UNC13C: variants seen among roughly 807,000 people sequenced by gnomAD.
UNC13C encodes the protein unc-13 homolog C, also known as protein unc-13 homolog C.
UNC13C carries 174 observed loss-of-function variants against 245.4 expected under a neutral mutation model. That is an observed-to-expected ratio of 0.71 (90% CI 0.63 to 0.80). The LOEUF is 0.80. UNC13C is among the 30% of genes least tolerant of loss of function. The probability of loss-of-function intolerance (pLI) is 0.00; values close to 1 mark genes in which losing one functional copy is unlikely to be tolerated. For missense variants in UNC13C, 2,829 were observed against 2,602.9 expected, an observed-to-expected ratio of 1.09 and a Z score of -1.89; for synonymous variants, 992 against 895.1, an observed-to-expected ratio of 1.11 and a Z score of -1.93.
In UNC13C at chr15:54,013,542, T is replaced by C; in HGVS notation, c.639T>C (p.Ser213=). Residue 213 remains serine (S), a synonymous_variant, in exon 2 of 33, where the codon TCT becomes TCC. Transcript: ENST00000260323. ...AATCCTGGGGAATAAGAAGTAAGTC[T>C]TTGGACAGAACTGTCCGAAACCCAA... ...MKKSWGIRSK[S]LDRTVRNPKT... 1 of 1,613,916 alleles carries C rather than the reference T, an allele frequency of 6.2e-7. No homozygotes were observed. The highest frequency in any genetic ancestry group is 8.5e-7 in the Non-Finnish European group (1 of 1,179,848).
At chr15:54,318,272 C>A (rs573874960) in intron 13 of UNC13C, among the ~76,000 whole-genome samples, 1 of 151,784 alleles carries the variant, frequency 6.6e-6, no homozygotes, top group Non-Finnish European at 1.5e-5. Flanking sequence ...TATGATTGTC[C>A]TATTTTTTAG....
At chr15:53,850,111 G>T in the UNC13C span, among the ~76,000 whole-genome samples, 718 of 151,938 alleles carry the variant, frequency 4.7e-3, 4 homozygotes, top group African/African-American at 0.017. Context: ...AAGACTTTTT[G>T]CTGGATATAG....
At chr15:54,420,786 T>C (rs1280437430) in intron 19 of UNC13C, among the ~76,000 whole-genome samples, 6 of 151,942 alleles carry the variant, frequency 3.9e-5, no homozygotes, top group Non-Finnish European at 5.9e-5. Flanking sequence ...AAAAATAAAT[T>C]ATTGTCTAAG....
At chr15:54,289,670 G>A (rs2037242179) in intron 10 of UNC13C, among the ~76,000 whole-genome samples, 1 of 152,114 alleles carries the variant, frequency 6.6e-6, no homozygotes, top group African/African-American at 2.4e-5. Context: ...AGCTTCTGAA[G>A]CTACTGTGTG....
intron 30 of UNC13C, among the ~76,000 whole-genome samples, chr15:54,586,032 C>A (rs1318411558): frequency 2.0e-5 from 3 of 152,190 alleles, no homozygotes; most frequent in Non-Finnish European, 1.5e-5. Context: ...TAGCCTCCTA[C>A]AGAACCTGAT....
intron 29 of UNC13C, among the ~76,000 whole-genome samples, chr15:54,558,370 C>A (rs1897171745): frequency 6.6e-6 from 1 of 151,932 alleles, no homozygotes; most frequent in South Asian, 2.1e-4. Context: ...AGAAAGGACT[C>A]CAAATTCTAA....
chr15:54,020,366 C>T (rs1208648755), intron 2 of UNC13C, among the ~76,000 whole-genome samples: 1 of 150,914 alleles, frequency 6.6e-6, no homozygotes, highest in Non-Finnish European at 1.5e-5. Flanking sequence ...CCTCCTCCTC[C>T]TGGGTTCAAG....
At chr15:54,508,206 A>C (rs1004862816) in intron 23 of UNC13C, among the ~76,000 whole-genome samples, 2 of 142,648 alleles carry the variant, frequency 1.4e-5, no homozygotes, top group African/African-American at 5.5e-5. Flanking sequence ...TTCTGATTAC[A>C]AGATAATACA....
chr15:54,153,098 A>C (rs977911489), intron 4 of UNC13C, among the ~76,000 whole-genome samples: 7 of 152,160 alleles, frequency 4.6e-5, no homozygotes, highest in African/African-American at 1.7e-4. Context: ...ATTTAAAGCA[A>C]CAAGTTTGCT....
At chr15:54,408,816 T>C (rs988028296) in intron 18 of UNC13C, among the ~76,000 whole-genome samples, 4 of 152,252 alleles carry the variant, frequency 2.6e-5, no homozygotes, top group Non-Finnish European at 4.4e-5. Context: ...AAATATGCGA[T>C]CATATTTTAT....
At chr15:53,879,619 C>T in the UNC13C span, among the ~76,000 whole-genome samples, 1,969 of 152,048 alleles carry the variant, frequency 0.013, 41 homozygotes, top group African/African-American at 0.045. Flanking sequence ...GACGGAGTCT[C>T]GCTCTGTCGC....
At chr15:54,524,518 G>C (rs60912017) in intron 24 of UNC13C, among the ~76,000 whole-genome samples, 1 of 152,056 alleles carries the variant, frequency 6.6e-6, no homozygotes. Context: ...GTCACATCAG[G>C]ACAACTTAGA....
the UNC13C span, among the ~76,000 whole-genome samples, chr15:53,932,327 AACAACAACAACAAC>A: frequency 1.3e-5 from 2 of 151,328 alleles, no homozygotes; most frequent in African/African-American, 4.8e-5. Context: ...CAACAACAAC[AACAACAACAACAAC>A]AAACAGTGCT....
intron 19 of UNC13C, among the ~76,000 whole-genome samples, chr15:54,487,789 AGAC>A (rs1478194386): frequency 1.4e-5 from 1 of 73,342 alleles, no homozygotes; most frequent in Non-Finnish European, 3.0e-5. Flanking sequence ...AAAAAAAAAA[AGAC>A]AGAGAGAGAG....
intron 1 of UNC13C, among the ~76,000 whole-genome samples, chr15:53,992,512 G>A (rs1894437343): frequency 1.3e-5 from 2 of 151,974 alleles, no homozygotes; most frequent in Admixed American, 1.3e-4. Context: ...AGAAGGAGAG[G>A]GTGACTTTTG....
intron 1 of UNC13C, among the ~76,000 whole-genome samples, chr15:53,985,217 GTTA>G (rs1894084267): frequency 6.6e-6 from 1 of 151,766 alleles, no homozygotes; most frequent in Admixed American, 6.6e-5. Context: ...CTGTTCCTGT[GTTA>G]TTTTGCTGAG....
chr15:53,839,450 A>G, the UNC13C span, among the ~76,000 whole-genome samples: 1 of 152,106 alleles, frequency 6.6e-6, no homozygotes, highest in South Asian at 2.1e-4. Flanking sequence ...GTTTCATTAT[A>G]CTATTTAGTG....
At chr15:54,173,949 G>A (rs2033513986) in intron 4 of UNC13C, among the ~76,000 whole-genome samples, 1 of 152,030 alleles carries the variant, frequency 6.6e-6, no homozygotes, top group South Asian at 2.1e-4. Context: ...TATCCATTGA[G>A]ATTATCAGGT....
chr15:54,203,886 G>A (rs1019019883), intron 4 of UNC13C, among the ~76,000 whole-genome samples: 9 of 101,578 alleles, frequency 8.9e-5, no homozygotes, highest in Non-Finnish European at 2.4e-5. Context: ...ATACACATGT[G>A]TATATGTATA....
Sources: gnomAD v4.1 joint callset for allele counts (sites outside exome capture counted in the v4.1 genomes callset) on GRCh38, gnomAD v4.1.1 for gene constraint, MANE v1.5 for transcripts, NCBI Gene and HGNC (gene_info 2026-07-23, HGNC 2026-07-21) for gene names.